Variants in SGK3 observed in about 807,000 individuals in gnomAD.
SGK3 encodes serine/threonine-protein kinase Sgk3.
SGK3 carries 47 observed loss-of-function variants against 68.5 expected under a neutral mutation model. The ratio of observed to expected loss-of-function variants is 0.69; its 90% confidence interval spans 0.54 to 0.87. SGK3 has a LOEUF of 0.87. SGK3 is among the 40% of genes least tolerant of loss of function. The probability of loss-of-function intolerance (pLI) is 0.00; values close to 1 mark genes in which losing one functional copy is unlikely to be tolerated. For missense variants in SGK3, 479 were observed against 575.5 expected (o/e 0.83, Z 1.72); for synonymous variants, 181 against 189.1 (o/e 0.96, Z 0.35).
intron 16 of SGK3, among the ~76,000 whole-genome samples, chr8:66,852,592 T>A (rs1810340528): frequency 6.6e-6 from 1 of 152,176 alleles, no homozygotes; most frequent in African/African-American, 2.4e-5. Flanking sequence ...AATACTTTTT[T>A]AATAAATTAG....
intron 1 of SGK3, among the ~76,000 whole-genome samples, chr8:66,767,132 A>G (rs1351152357): frequency 6.6e-6 from 1 of 152,204 alleles, no homozygotes; most frequent in Non-Finnish European, 1.5e-5. Context: ...GGCATCAGCC[A>G]CCACACCCGG....
At chr8:66,837,616 A>C (rs1809590305) in intron 10 of SGK3, among the ~76,000 whole-genome samples, 1 of 152,152 alleles carries the variant, frequency 6.6e-6, no homozygotes, top group Non-Finnish European at 1.5e-5. Flanking sequence ...CCCCATCTCT[A>C]CAAAAAAAAT....
intron 16 of SGK3, among the ~76,000 whole-genome samples, chr8:66,851,531 T>A (rs370216343): frequency 1.2e-3 from 163 of 136,860 alleles, no homozygotes; most frequent in African/African-American, 3.8e-3. Context: ...AAAATAAAAT[T>A]AAAAAAAAAA....
At chr8:66,759,694 G>A (rs927448134) in intron 1 of SGK3, among the ~76,000 whole-genome samples, 12 of 151,588 alleles carry the variant, frequency 7.9e-5, no homozygotes, top group Admixed American at 5.9e-4. Flanking sequence ...ATGGAGTCTC[G>A]CTGTGTTGCC....
chr8:66,776,089 T>TA (rs1369272214), intron 1 of SGK3, among the ~76,000 whole-genome samples: 7 of 152,226 alleles, frequency 4.6e-5, no homozygotes, highest in African/African-American at 1.7e-4. Flanking sequence ...CCGGAAAACC[T>TA]ACGTATATTC....
chr8:66,729,717 C>A (rs1805088673), intron 1 of SGK3, among the ~76,000 whole-genome samples: 1 of 143,210 alleles, frequency 7.0e-6, no homozygotes, highest in Admixed American at 6.8e-5. Context: ...TCTAGAATGC[C>A]TACATTTATT....
At chr8:66,779,161 G>A (rs893547393) in intron 1 of SGK3, among the ~76,000 whole-genome samples, 2 of 152,136 alleles carry the variant, frequency 1.3e-5, no homozygotes, top group African/African-American at 2.4e-5. Flanking sequence ...GAAAAAGGTG[G>A]TAGATATGAG....
chr8:66,799,161 T>C (rs1807822622), intron 3 of SGK3, among the ~76,000 whole-genome samples: 1 of 152,234 alleles, frequency 6.6e-6, no homozygotes, highest in Admixed American at 6.5e-5. Flanking sequence ...CCTGTTTTTA[T>C]ATTTTCATAA....
At chr8:66,781,954 G>A (rs1027062749) in intron 1 of SGK3, among the ~76,000 whole-genome samples, 4 of 152,132 alleles carry the variant, frequency 2.6e-5, no homozygotes, top group Non-Finnish European at 1.5e-5. Context: ...GAGGGGAGGG[G>A]AGAAGGCTAC....
At chr8:66,749,955 GTGTGTGTGTGTA>G (rs1042374154) in intron 1 of SGK3, among the ~76,000 whole-genome samples, 1 of 150,178 alleles carries the variant, frequency 6.7e-6, no homozygotes, top group African/African-American at 2.4e-5. Flanking sequence ...GTGTGTGTGT[GTGTGTGTGTGTA>G]TGTGTGTAAA....
chr8:66,730,628 G>A (rs753286229), intron 1 of SGK3, among the ~76,000 whole-genome samples: 1 of 152,112 alleles, frequency 6.6e-6, no homozygotes, highest in African/African-American at 2.4e-5. Context: ...TGTTTATGGT[G>A]TGAGGTAGGG....
intron 1 of SGK3, among the ~76,000 whole-genome samples, chr8:66,784,959 T>C (rs747936019): frequency 4.6e-5 from 7 of 152,204 alleles, no homozygotes; most frequent in Non-Finnish European, 1.0e-4. Context: ...TAGCCCTTGG[T>C]TGTCATCGTG....
At chr8:66,849,248 A>G (rs1810163991) in intron 15 of SGK3, among the ~76,000 whole-genome samples, 1 of 152,112 alleles carries the variant, frequency 6.6e-6, no homozygotes, top group African/African-American at 2.4e-5. Flanking sequence ...TGCCTGCTCA[A>G]CATCACCACT....
chr8:66,816,337 CT>C (rs1177867449), intron 5 of SGK3, among the ~76,000 whole-genome samples: 2,234 of 114,132 alleles, frequency 0.02, 15 homozygotes, highest in Non-Finnish European at 0.03. Context: ...GTGACATTTC[CT>C]TTTTTTTTTT....
At chr8:66,754,956 G>A (rs1166246406) in intron 1 of SGK3, among the ~76,000 whole-genome samples, 2 of 152,152 alleles carry the variant, frequency 1.3e-5, no homozygotes, top group South Asian at 2.1e-4. Context: ...ACCTGCATCA[G>A]CTGTTTAACA....
intron 1 of SGK3, among the ~76,000 whole-genome samples, chr8:66,772,643 C>G (rs376660645): frequency 6.6e-6 from 1 of 151,316 alleles, no homozygotes; most frequent in African/African-American, 2.4e-5. Flanking sequence ...TCACTGCAAG[C>G]TCTGCCTCCC....
chr8:66,761,886 C>T (rs894358925), intron 1 of SGK3, among the ~76,000 whole-genome samples: 5 of 152,138 alleles, frequency 3.3e-5, no homozygotes, highest in Non-Finnish European at 5.9e-5. Flanking sequence ...GCCTACTGCC[C>T]CGTTTCAACA....
At chr8:66,738,802 T>C (rs993733819) in intron 1 of SGK3, among the ~76,000 whole-genome samples, 1 of 152,096 alleles carries the variant, frequency 6.6e-6, no homozygotes, top group Non-Finnish European at 1.5e-5. Flanking sequence ...TAATTTTTTT[T>C]TGTATTTTTA....
chr8:66,806,103 C>T (rs1162905066), intron 4 of SGK3, among the ~76,000 whole-genome samples: 2 of 152,102 alleles, frequency 1.3e-5, no homozygotes, highest in Non-Finnish European at 2.9e-5. Context: ...CAACTGGAGG[C>T]TTATTATTCT....
Sources: gnomAD v4.1 joint callset for allele counts (sites outside exome capture counted in the v4.1 genomes callset) on GRCh38, gnomAD v4.1.1 for gene constraint, MANE v1.5 for transcripts, NCBI Gene and HGNC (gene_info 2026-07-23, HGNC 2026-07-21) for gene names.